PCDHGB5: variants seen among roughly 807,000 people sequenced by gnomAD.
PCDHGB5 encodes protocadherin gamma-B5.
A neutral mutation model predicts 62.9 loss-of-function variants in PCDHGB5; 48 were observed. That is an observed-to-expected ratio of 0.76 (90% confidence interval 0.61 to 0.97). PCDHGB5 has a LOEUF of 0.97. Ranked by LOEUF, PCDHGB5 falls within the 50% of genes least tolerant of loss-of-function variation. PCDHGB5 has a pLI of 0.00. For synonymous variants in PCDHGB5, 474 were observed against 511.2 expected, an observed-to-expected ratio of 0.93 and a Z score of 0.98; for missense variants, 1,118 against 1,198.6, an observed-to-expected ratio of 0.93 and a Z score of 0.99.
intron 1 of PCDHGB5, among the ~76,000 whole-genome samples, chr5:141,454,120 T>C (rs956675583): frequency 6.6e-5 from 10 of 152,228 alleles, no homozygotes; most frequent in African/African-American, 2.4e-4. Context: ...ATAGAAGAAA[T>C]AGCTGACCAT....
chr5:141,420,076 T>TC, intron 1 of PCDHGB5: 1 of 1,613,956 alleles, frequency 6.2e-7, no homozygotes, highest in Non-Finnish European at 8.5e-7. Context: ...GACCTGTGGG[T>TC]CCCCCCAACT....
chr5:141,466,494 G>C (rs1186331329), intron 1 of PCDHGB5, among the ~76,000 whole-genome samples: 4 of 152,134 alleles, frequency 2.6e-5, no homozygotes. Context: ...TCTTTAATTA[G>C]AGCACAGACA....
At chr5:141,440,501 A>G (rs2098183001) in intron 1 of PCDHGB5, 1 of 152,174 alleles carries the variant, frequency 6.6e-6, no homozygotes, top group African/African-American at 2.4e-5. Context: ...TCACATTAAT[A>G]TGGAGATTCA....
chr5:141,402,921 T>C (rs1486440819), intron 1 of PCDHGB5: 1 of 1,575,122 alleles, frequency 6.3e-7, no homozygotes. Context: ...CGCACAGAGA[T>C]CCTTTTGAGA....
intron 1 of PCDHGB5, chr5:141,413,792 G>C (rs1390056342): frequency 6.2e-7 from 1 of 1,613,134 alleles, no homozygotes; most frequent in South Asian, 1.1e-5. Context: ...TCCCTAGATC[G>C]CGAGGAAGAG....
intron 1 of PCDHGB5, chr5:141,433,145 G>C (rs2097571427): frequency 6.2e-7 from 1 of 1,613,922 alleles, no homozygotes; most frequent in Non-Finnish European, 8.5e-7. Flanking sequence ...GCTGTCAGGT[G>C]ATTCGGTATT....
intron 2 of PCDHGB5, among the ~76,000 whole-genome samples, chr5:141,496,582 G>C (rs991035985): frequency 6.6e-6 from 1 of 152,100 alleles, no homozygotes; most frequent in Non-Finnish European, 1.5e-5. Flanking sequence ...TTTTAGGAAC[G>C]CAAAGCGCTT....
chr5:141,441,887 A>G, intron 1 of PCDHGB5: 1 of 344,596 alleles, frequency 2.9e-6, no homozygotes, highest in African/African-American at 2.2e-5. Context: ...CTGGTCACCA[A>G]GGTGGTGGCT....
intron 1 of PCDHGB5, among the ~76,000 whole-genome samples, chr5:141,438,633 T>C (rs1222106413): frequency 2.9e-5 from 1 of 34,046 alleles, no homozygotes; most frequent in Non-Finnish European, 5.1e-5. Context: ...TATATATATA[T>C]ATACACACAC....
At position 141,486,254 on chromosome 5, in the gene PCDHGB5, G is replaced by A. The variant is rs2099626723; in HGVS notation, c.2398-8553G>A. ...GACCTCAGAGCTTGGAACCCTCCCCGAGAGTGCAGAACCTGGCACTGTGGT... is the reference window on the plus strand; with the variant it reads ...GACCTCAGAGCTTGGAACCCTCCCCAAGAGTGCAGAACCTGGCACTGTGGT... On this transcript the variant is annotated intron_variant, in intron 1 of 3. Transcript: ENST00000617380. This position sits in a 1 kb window ranked among gnomAD's most constrained non-coding sequence, Gnocchi z 5.0. The A allele has an allele frequency of 1.2e-6, 2 of 1,613,992 alleles. No individual in the cohort carries two copies. Among genetic ancestry groups the A allele is most frequent in the Non-Finnish European group, 1.7e-6 (2 of 1,179,982 alleles).
At chr5:141,450,770 AG>A (rs1354382498) in intron 1 of PCDHGB5, among the ~76,000 whole-genome samples, 1 of 151,448 alleles carries the variant, frequency 6.6e-6, no homozygotes, top group Non-Finnish European at 1.5e-5. Context: ...TACAGGCATG[AG>A]CCACCGTGCC....
At chr5:141,404,662 T>G (rs1314002801) in intron 1 of PCDHGB5, 1 of 1,614,208 alleles carries the variant, frequency 6.2e-7, no homozygotes, top group East Asian at 2.2e-5. Flanking sequence ...TCCCCACTGA[T>G]GGTTCTACTG....
intron 1 of PCDHGB5, among the ~76,000 whole-genome samples, chr5:141,449,840 T>C (rs1367482819): frequency 6.6e-6 from 1 of 151,692 alleles, no homozygotes; most frequent in Non-Finnish European, 1.5e-5. Context: ...TTTTATATAA[T>C]TAAATTTTAA....
At chr5:141,403,378 T>G in intron 1 of PCDHGB5, 5 of 1,614,002 alleles carry the variant, frequency 3.1e-6, no homozygotes, top group Non-Finnish European at 4.2e-6. Context: ...AAGTAAAAAT[T>G]AACGAAATCG....
At position 141,431,516 on chromosome 5, in the gene PCDHGB5, G is replaced by C. The variant is rs941913367; in HGVS notation, c.2397+30992G>C. 3.1e-6 allele frequency: 5 copies of C among 1,613,954 alleles called. No homozygotes were observed. In the African/African-American group the frequency reaches 6.7e-5, roughly 22 times the overall value. On this transcript the variant is annotated intron_variant, in intron 1 of 3. Coordinates refer to ENST00000617380, the MANE Select transcript of PCDHGB5 (RefSeq NM_018925.3). This position sits in a 1 kb window ranked among gnomAD's most constrained non-coding sequence, Gnocchi z 4.8. ...GCCCGAGTACCGCGCGAGCGTTCCG[G>C]AGAATCTGGCCTTGGGCACGCAGCT... is the stretch of plus-strand genomic sequence containing the variant.
At chr5:141,428,551 G>A (rs1192248816) in intron 1 of PCDHGB5, 1 of 254,070 alleles carries the variant, frequency 3.9e-6, no homozygotes, top group Non-Finnish European at 7.8e-6. Flanking sequence ...ACCAGAAACA[G>A]TCCCCCCACA....
In PCDHGB5 at chr5:141,413,182, G is replaced by C. The variant is rs752788034; in HGVS notation, c.2397+12658G>C. On this transcript the variant is annotated intron_variant, in intron 1 of 3. Transcript: ENST00000617380. ...ATTCTGTAACCAGACTACAATGGCCGCTCAAAGGAATCGCTCAAAGGAATC... is the reference window on the plus strand; with the variant it reads ...ATTCTGTAACCAGACTACAATGGCCCCTCAAAGGAATCGCTCAAAGGAATC... 3.1e-6 allele frequency: 5 copies of C among 1,604,164 alleles called. No homozygotes were observed. In the South Asian group the frequency reaches 5.5e-5, roughly 18 times the overall value.
At chr5:141,418,655 G>A in intron 1 of PCDHGB5, 5 of 1,614,002 alleles carry the variant, frequency 3.1e-6, no homozygotes, top group Non-Finnish European at 4.2e-6. Flanking sequence ...GAGAGTGAAG[G>A]CCACTGACCA....
At chr5:141,510,272 T>TAAAA (rs546154379) in intron 3 of PCDHGB5, among the ~76,000 whole-genome samples, 4 of 130,388 alleles carry the variant, frequency 3.1e-5, no homozygotes, top group Non-Finnish European at 4.9e-5. Context: ...GACTCCATCT[T>TAAAA]AAAAAAAAAA....
Sources: gnomAD v4.1 joint callset for allele counts (sites outside exome capture counted in the v4.1 genomes callset) on GRCh38, gnomAD v4.1.1 for gene constraint, Gnocchi (gnomAD v3.1) non-coding constraint, MANE v1.5 for transcripts, NCBI Gene and HGNC (gene_info 2026-07-23, HGNC 2026-07-21) for gene names.